RAB3IL1: variants seen among roughly 807,000 people sequenced by gnomAD.
The protein encoded by RAB3IL1 is RAB3A interacting protein like 1.
In RAB3IL1, 37 loss-of-function variants were observed where a neutral mutation model predicts 49.2. The ratio of observed to expected loss-of-function variants is 0.75; its 90% CI spans 0.58 to 0.99. The LOEUF (loss-of-function observed/expected upper bound fraction) is 0.99. Ranked by LOEUF, RAB3IL1 falls within the 50% of genes least tolerant of loss-of-function variation. The pLI, the probability that RAB3IL1 is intolerant of heterozygous loss-of-function variation, is 0.00. For missense variants in RAB3IL1, 484 were observed against 513.0 expected (o/e 0.94, Z 0.55); for synonymous variants, 193 against 213.9 (o/e 0.90, Z 0.85).
the RAB3IL1 span, among the ~76,000 whole-genome samples, chr11:61,943,423 A>C: frequency 6.6e-6 from 1 of 152,204 alleles, no homozygotes; most frequent in Non-Finnish European, 1.5e-5. Context: ...ATGACCTTGG[A>C]TTTGACAGTG....
At chr11:61,899,968 C>T (rs1341792214) in intron 8 of RAB3IL1, among the ~76,000 whole-genome samples, 1 of 152,238 alleles carries the variant, frequency 6.6e-6, no homozygotes, top group East Asian at 1.9e-4. Flanking sequence ...AGGACTCACA[C>T]CACGGAGAGG....
At chr11:61,942,104 G>A in the RAB3IL1 span, among the ~76,000 whole-genome samples, 59 of 152,154 alleles carry the variant, frequency 3.9e-4, 1 homozygote, top group African/African-American at 1.3e-3. Context: ...CCAACTACTT[G>A]GGAGGCTGAG....
the RAB3IL1 span, among the ~76,000 whole-genome samples, chr11:61,935,167 G>A: frequency 3.3e-5 from 5 of 152,066 alleles, no homozygotes; most frequent in Non-Finnish European, 5.9e-5. Flanking sequence ...GTTGGCTCAC[G>A]CCTGTAATCC....
intron 8 of RAB3IL1, among the ~76,000 whole-genome samples, chr11:61,900,702 C>T (rs1938867017): frequency 6.6e-6 from 1 of 152,126 alleles, no homozygotes; most frequent in Admixed American, 6.5e-5. Context: ...CTGTGGACCC[C>T]ACATGTCTTG....
chr11:61,898,135 G>C lies in RAB3IL1; in HGVS notation c.*143C>G, dbSNP rs1290707779. The C allele has an allele frequency of 1.3e-6, 1 of 753,334 alleles. No individual in the cohort carries two copies. Among genetic ancestry groups the C allele is most frequent in the Non-Finnish European group, 2.3e-6 (1 of 441,954 alleles). 46.7% of individuals were successfully genotyped at this position (753,334 alleles called of 1,614,324 possible). A position where few individuals can be genotyped will look rare whatever the true frequency, so the allele number is the denominator to read the frequency against. ...AGGATGGACGTGTGGTGCTGGCTCA[G>C]TGCTGCCTCCATGGCCTGTCTGTCC... On this transcript the variant is annotated 3_prime_UTR_variant, in exon 10 of 10. Coordinates refer to ENST00000394836, the MANE Select transcript of RAB3IL1 (RefSeq NM_013401.4). This position sits in a 1 kb window ranked among gnomAD's most constrained non-coding sequence, Gnocchi z 5.1.
chr11:61,905,234 TACACAAGCAC>T (rs1300419701), intron 5 of RAB3IL1, among the ~76,000 whole-genome samples: 2 of 152,004 alleles, frequency 1.3e-5, no homozygotes, highest in Non-Finnish European at 2.9e-5. Flanking sequence ...TACCAGCAGG[TACACAAGCAC>T]ACACAAGCAC....
intron 1 of RAB3IL1, among the ~76,000 whole-genome samples, chr11:61,915,296 A>C (rs1217768708): frequency 6.6e-6 from 1 of 152,040 alleles, no homozygotes; most frequent in African/African-American, 2.4e-5. Context: ...GGAATATGGC[A>C]GGGGGGCTGG....
upstream of RAB3IL1, among the ~76,000 whole-genome samples, chr11:61,920,999 T>G (rs1357477623): frequency 6.6e-6 from 1 of 152,106 alleles, no homozygotes; most frequent in African/African-American, 2.4e-5. Flanking sequence ...TTTCTTAGAT[T>G]TGAGATTCCC....
chr11:61,911,011 T>A (rs1236269723), intron 1 of RAB3IL1, among the ~76,000 whole-genome samples: 1 of 152,212 alleles, frequency 6.6e-6, no homozygotes, highest in East Asian at 1.9e-4. Context: ...CTGGCCACAG[T>A]GAAAGACTAA....
intron 1 of RAB3IL1, among the ~76,000 whole-genome samples, chr11:61,913,677 T>G (rs952940366): frequency 6.6e-6 from 1 of 152,152 alleles, no homozygotes; most frequent in Non-Finnish European, 1.5e-5. Context: ...ACCCTGCCCA[T>G]TCAGTCCAAG....
At chr11:61,931,070 A>T in the RAB3IL1 span, among the ~76,000 whole-genome samples, 2 of 152,126 alleles carry the variant, frequency 1.3e-5, no homozygotes, top group African/African-American at 2.4e-5. Flanking sequence ...GGCAGCAGAG[A>T]CCACTGGCCT....
In RAB3IL1 at chr11:61,904,643, G is replaced by C; in HGVS notation, c.802C>G (p.Arg268Gly). 1 of 1,611,130 alleles carries C rather than the reference G, an allele frequency of 6.2e-7. No individual in the cohort carries two copies. Among genetic ancestry groups the C allele is most frequent in the Non-Finnish European group, 8.5e-7 (1 of 1,178,800 alleles). ...FTMQELSVLVRAAVEDNTLTI... is the reference protein window; with the variant it reads ...FTMQELSVLVGAAVEDNTLTI... ...AGCGTGTTGTCCTCCACGGCGGCCC[G>C]TACCAGCACCGAGAGCTGTGGCAGA... is the stretch of plus-strand genomic sequence containing the variant. Residue 268 changes from arginine to glycine, a missense_variant, in exon 7 of 10, where the codon CGG becomes GGG. Arg to Gly is a moderately radical substitution (Grantham distance 125). Transcript: ENST00000394836.
chr11:61,933,909 C>T, the RAB3IL1 span, among the ~76,000 whole-genome samples: 7 of 151,954 alleles, frequency 4.6e-5, no homozygotes, highest in East Asian at 3.9e-4. Context: ...TGCGCCACTG[C>T]ACCCCAGCCT....
the RAB3IL1 span, among the ~76,000 whole-genome samples, chr11:61,944,277 T>TCCTTCCTTCC: frequency 6.6e-6 from 1 of 151,578 alleles, no homozygotes; most frequent in African/African-American, 2.4e-5. Context: ...CTTCCCTCCT[T>TCCTTCCTTCC]TGTTGAGACA....
the RAB3IL1 span, among the ~76,000 whole-genome samples, chr11:61,943,097 C>T: frequency 6.6e-3 from 1,001 of 152,204 alleles, 7 homozygotes; most frequent in Non-Finnish European, 8.1e-3. Context: ...CTCCTGGTTT[C>T]GAAATTTCTA....
rs570523316 is a variant in RAB3IL1 at position 61,899,556 on chromosome 11, C to T, written c.1000-176G>A. 4 of 597,282 alleles carry T rather than the reference C, an allele frequency of 6.7e-6. No individual in the cohort carries two copies. In the South Asian group the frequency reaches 8.1e-5, roughly 12 times the overall value. 37.0% of individuals were successfully genotyped at this position (597,282 alleles called of 1,614,324 possible). On this transcript the variant is annotated intron_variant, in intron 8 of 9. Coordinates refer to ENST00000394836, the MANE Select transcript of RAB3IL1 (RefSeq NM_013401.4). ...ATCAACAACAGCATGACTAGCCCTGCTGTAATAGCAGCAGCAGCAGCAGCA... is the reference window on the plus strand; with the variant it reads ...ATCAACAACAGCATGACTAGCCCTGTTGTAATAGCAGCAGCAGCAGCAGCA...
At position 61,907,645 on chromosome 11, in the gene RAB3IL1, C is replaced by T. The variant is rs760797379; in HGVS notation, c.280G>A (p.Asp94Asn). The stretch of plus-strand genomic sequence containing the variant: ...TTGGACAGCCGCTCACATTCCTCGT[C>T]CTTTAGCTTCAGCTCCTGGAGGAAA... ...HRAQKELKLKDEECERLSKVR... is the reference protein window; with the variant it reads ...HRAQKELKLKNEECERLSKVR... The change falls in exon 3 of 10, where the codon GAC (aspartate) becomes AAC (asparagine). Residue 94 changes from aspartate (D) to asparagine (N), a missense_variant. Coordinates refer to ENST00000394836, the MANE Select transcript of RAB3IL1 (RefSeq NM_013401.4). 1 of 1,613,948 alleles carries T rather than the reference C, an allele frequency of 6.2e-7. No individual in the cohort carries two copies. The highest frequency in any genetic ancestry group is 2.2e-5 in the East Asian group (1 of 44,894).
In RAB3IL1 at chr11:61,907,159, A is replaced by G. The variant is rs1207183137; in HGVS notation, c.438+234T>C. ...ACAGGGTCCTCCCAGCCCCAGCACTATCCCAGAAAAGGCTCTGCCATGCAG... is the reference window on the plus strand; with the variant it reads ...ACAGGGTCCTCCCAGCCCCAGCACTGTCCCAGAAAAGGCTCTGCCATGCAG... On this transcript the variant is annotated intron_variant, in intron 4 of 9. Transcript: ENST00000394836. Among the ~76,000 whole-genome samples, 11 of 152,322 alleles carry G rather than the reference A, an allele frequency of 7.2e-5. No homozygotes were observed. In the South Asian group the frequency reaches 2.3e-3, roughly 32 times the overall value.
upstream of RAB3IL1, among the ~76,000 whole-genome samples, chr11:61,921,136 C>T (rs1939896061): frequency 6.6e-6 from 1 of 152,090 alleles, no homozygotes; most frequent in Admixed American, 6.5e-5. Flanking sequence ...GCAGCTGGGA[C>T]TCCAGGCATG....
Sources: gnomAD v4.1 joint callset for allele counts (sites outside exome capture counted in the v4.1 genomes callset) on GRCh38, gnomAD v4.1.1 for gene constraint, Gnocchi (gnomAD v3.1) non-coding constraint, MANE v1.5 for transcripts, NCBI Gene and HGNC (gene_info 2026-07-23, HGNC 2026-07-21) for gene names.